Variants in PIGU observed in about 807,000 individuals in gnomAD.
PIGU encodes phosphatidylinositol glycan anchor biosynthesis class U.
Under a neutral mutation model 49.9 loss-of-function variants are expected in PIGU, and 24 were observed. That is an observed-to-expected ratio of 0.48 (90% CI 0.35 to 0.68). The LOEUF (loss-of-function observed/expected upper bound fraction) is 0.68, where lower values mean the gene tolerates loss of function less well. Among genes scored for constraint, PIGU ranks in the 30% least tolerant of loss-of-function variants. PIGU has a pLI of 0.01. For missense variants in PIGU, 490 were observed against 532.6 expected (o/e 0.92, Z 0.79); for synonymous variants, 220 against 205.7 (o/e 1.07, Z -0.59).
chr20:34,676,938 T>C lies in PIGU; in HGVS notation c.130+18A>G. ...GGGCAGGTGGGGCCTGACAGTCTGCTCGAGCCAGTGGCCTCACCTCTCTTC... is the reference window on the plus strand; with the variant it reads ...GGGCAGGTGGGGCCTGACAGTCTGCCCGAGCCAGTGGCCTCACCTCTCTTC... On this transcript the variant is annotated intron_variant, in intron 1 of 11. Transcript: ENST00000217446. 6.4e-7 allele frequency: 1 copy of C among 1,561,284 alleles called. No homozygotes were observed. Among genetic ancestry groups the C allele is most frequent in the Non-Finnish European group, 8.7e-7 (1 of 1,153,734 alleles).
intron 1 of PIGU, among the ~76,000 whole-genome samples, chr20:34,672,593 C>T (rs548778909): frequency 1.3e-5 from 2 of 152,196 alleles, no homozygotes; most frequent in Non-Finnish European, 2.9e-5. Flanking sequence ...TGGCTCATGC[C>T]TATAATCCCA....
intron 6 of PIGU, among the ~76,000 whole-genome samples, chr20:34,625,725 A>G (rs1479933368): frequency 2.0e-5 from 3 of 150,314 alleles, no homozygotes; most frequent in Non-Finnish European, 3.0e-5. Context: ...AAAAAAAAAA[A>G]AAGAAAGAAA....
rs192182622 is a variant in PIGU at position 34,606,082 on chromosome 20, C to T, written c.627+9960G>A. On this transcript the variant is annotated intron_variant, in intron 7 of 11. Coordinates refer to ENST00000217446, the MANE Select transcript of PIGU (RefSeq NM_080476.5). ...CATCCTGGCCAACACGGTGAAACCCCGTCTTTACTAAAAATACAAAAAATT... is the reference window on the plus strand; with the variant it reads ...CATCCTGGCCAACACGGTGAAACCCTGTCTTTACTAAAAATACAAAAAATT... 7.0e-3 allele frequency among the ~76,000 whole-genome samples: 1,065 copies of T among 151,940 alleles called. 8 individuals are homozygous for T. Among genetic ancestry groups the T allele is most frequent in the African/African-American group, 0.024 (999 of 41,426 alleles).
intron 7 of PIGU, among the ~76,000 whole-genome samples, chr20:34,601,180 G>T (rs538711283): frequency 1.3e-5 from 2 of 152,218 alleles, no homozygotes; most frequent in Admixed American, 6.5e-5. Flanking sequence ...TCGACCTAAA[G>T]TGCTCTCAGT....
chr20:34,628,931 G>A (rs1045479221), intron 6 of PIGU, among the ~76,000 whole-genome samples: 1 of 151,998 alleles, frequency 6.6e-6, no homozygotes, highest in Non-Finnish European at 1.5e-5. Flanking sequence ...CCCCCACCAT[G>A]TCCAGGCCCT....
chr20:34,666,574 C>G (rs956578991), intron 1 of PIGU, among the ~76,000 whole-genome samples: 7 of 151,308 alleles, frequency 4.6e-5, no homozygotes, highest in Non-Finnish European at 5.9e-5. Context: ...ATCTTTTGCC[C>G]AGGCTGGAAT....
At chr20:34,604,633 T>C (rs190784847) in intron 7 of PIGU, among the ~76,000 whole-genome samples, 64 of 152,210 alleles carry the variant, frequency 4.2e-4, no homozygotes, top group Middle Eastern at 3.4e-3. Context: ...AGAAAGTGAC[T>C]GGGGAAGAAA....
intron 7 of PIGU, among the ~76,000 whole-genome samples, chr20:34,590,297 C>G (rs981202129): frequency 6.6e-6 from 1 of 152,134 alleles, no homozygotes; most frequent in Non-Finnish European, 1.5e-5. Context: ...TGGCTCATAC[C>G]TGTAATCCCA....
chr20:34,648,153 A>T (rs903280345), intron 2 of PIGU, among the ~76,000 whole-genome samples: 3 of 149,758 alleles, frequency 2.0e-5, no homozygotes, highest in Non-Finnish European at 4.4e-5. Flanking sequence ...TGGGAGGCTG[A>T]GTTGGGAGAA....
intron 6 of PIGU, 33 bp from the exon 7 acceptor site, chr20:34,616,172 A>G (rs572593867): frequency 2.5e-6 from 4 of 1,606,396 alleles, no homozygotes; most frequent in South Asian, 2.2e-5. Flanking sequence ...GGAATAATCC[A>G]GCCTCATCAA....
In PIGU at chr20:34,600,832, C is replaced by T. The variant is rs201489503; in HGVS notation, c.628-12225G>A. On this transcript the variant is annotated intron_variant, in intron 7 of 11. Coordinates refer to ENST00000217446, the MANE Select transcript of PIGU (RefSeq NM_080476.5). ...GGTAGATCACCTGAGGTTGGGAGTT[C>T]GAGACCAGCCTGACAAACATGGAGA... Among the ~76,000 whole-genome samples, 12 of 152,076 alleles carry T rather than the reference C, an allele frequency of 7.9e-5. No homozygotes were observed. In the South Asian group the frequency reaches 2.1e-3, roughly 26 times the overall value.
Position 34,656,427 on chromosome 20 carries a change from C to T in PIGU, c.195+753G>A, listed in dbSNP as rs1016234172. Among the ~76,000 whole-genome samples, 105 of 92,114 alleles carry T rather than the reference C, an allele frequency of 1.1e-3. 25 individuals carry two copies. The highest frequency in any genetic ancestry group is 4.0e-3 in the African/African-American group (100 of 25,300). 60.4% of individuals were successfully genotyped at this position (92,114 alleles called of 152,430 possible). A position where few individuals can be genotyped will look rare whatever the true frequency, so the allele number is the denominator to read the frequency against. On this transcript the variant is annotated intron_variant, in intron 2 of 11. Transcript: ENST00000217446. Reference sequence around the variant, plus strand: ...CCTCCCGAGTAGCTGGGACTACAGGCGCCCACTACCGCGCCCAGCTAATCT... The same window carrying T: ...CCTCCCGAGTAGCTGGGACTACAGGTGCCCACTACCGCGCCCAGCTAATCT...
intron 6 of PIGU, among the ~76,000 whole-genome samples, chr20:34,630,645 A>AT (rs984462390): frequency 4.6e-5 from 7 of 151,714 alleles, no homozygotes; most frequent in Admixed American, 2.0e-4. Context: ...TTCATTTAAA[A>AT]TTTTTTTTTA....
At chr20:34,622,111 T>C (rs531752206) in intron 6 of PIGU, among the ~76,000 whole-genome samples, 50 of 152,298 alleles carry the variant, frequency 3.3e-4, no homozygotes, top group Admixed American at 9.2e-4. Flanking sequence ...CCGTGGATGC[T>C]GGTACCACTC....
intron 7 of PIGU, among the ~76,000 whole-genome samples, chr20:34,611,668 C>CAAAAAAAAAAAAAACA (rs149027105): frequency 9.4e-6 from 1 of 106,478 alleles, no homozygotes; most frequent in African/African-American, 3.6e-5. Context: ...AAAAAAAAGA[C>CAAAAAAAAAAAAAACA]AAAAAAAAAA....
chr20:34,619,688 T>C (rs1419923850), intron 6 of PIGU, among the ~76,000 whole-genome samples: 3 of 152,172 alleles, frequency 2.0e-5, no homozygotes, highest in African/African-American at 7.2e-5. Context: ...GGTTAATAAT[T>C]GCTTGTCTGA....
intron 7 of PIGU, among the ~76,000 whole-genome samples, chr20:34,604,274 C>T (rs1305383681): frequency 3.3e-5 from 5 of 152,164 alleles, no homozygotes. Flanking sequence ...TTAAGATTAT[C>T]TTCCTCTCCC....
At chr20:34,640,497 GCGCACA>G (rs147432566) in intron 4 of PIGU, among the ~76,000 whole-genome samples, 17 of 50,734 alleles carry the variant, frequency 3.4e-4, no homozygotes, top group South Asian at 2.9e-3. Flanking sequence ...ATGTGCGCAC[GCGCACA>G]CACACACACA....
At chr20:34,651,572 G>A (rs757362986) in intron 2 of PIGU, among the ~76,000 whole-genome samples, 8 of 150,746 alleles carry the variant, frequency 5.3e-5, no homozygotes, top group Admixed American at 4.6e-4. Context: ...CTAGTTGTTC[G>A]TGGCAGGTAG....
Sources: allele counts gnomAD v4.1 joint callset (sites outside exome capture counted in the v4.1 genomes callset), GRCh38; gene constraint gnomAD v4.1.1; transcripts MANE v1.5; gene names NCBI Gene and HGNC (gene_info 2026-07-23, HGNC 2026-07-21).